VIT: variants seen among roughly 807,000 people sequenced by gnomAD.
The protein encoded by VIT is vitrin.
Under a neutral mutation model 78.0 loss-of-function variants are expected in VIT, and 99 were observed. The ratio of observed to expected loss-of-function variants is 1.27; its 90% CI spans 1.08 to 1.50. The LOEUF (loss-of-function observed/expected upper bound fraction) is 1.50, where lower values mean the gene tolerates loss of function less well. Among genes scored for constraint, VIT ranks in the 40% most tolerant of loss-of-function variants. The probability of loss-of-function intolerance (pLI) is 0.00; values close to 1 mark genes in which losing one functional copy is unlikely to be tolerated. For synonymous variants in VIT, 374 were observed against 334.3 expected (o/e 1.12, Z -1.29); for missense variants, 1,126 against 875.3 (o/e 1.29, Z -3.61).
At chr2:36,703,912 TTTTTTTGTTTGTTTTTTG>T (rs1450876767) in intron 1 of VIT, among the ~76,000 whole-genome samples, 1 of 31,850 alleles carries the variant, frequency 3.1e-5, no homozygotes, top group Non-Finnish European at 8.4e-5. Context: ...GTTTGGGGTT[TTTTTTTGTTTGTTTTTTG>T]TTTTTGTTTT....
chr2:36,704,407 C>T (rs1341615621), intron 1 of VIT, among the ~76,000 whole-genome samples: 2 of 152,178 alleles, frequency 1.3e-5, no homozygotes, highest in Non-Finnish European at 2.9e-5. Flanking sequence ...CTCTACACTT[C>T]TAAAACTTCC....
At chr2:36,756,207 C>G (rs775523615) in intron 5 of VIT, among the ~76,000 whole-genome samples, 3 of 152,086 alleles carry the variant, frequency 2.0e-5, no homozygotes, top group South Asian at 2.1e-4. Flanking sequence ...ATCCGCCCAC[C>G]TCGGCCTCCC....
At chr2:36,769,255 A>G (rs4670605) in intron 7 of VIT, among the ~76,000 whole-genome samples, 128,853 of 152,200 alleles carry the variant, frequency 0.85, 58,221 homozygotes, top group Non-Finnish European at 0.99. Context: ...AAATTCTTAC[A>G]TAACACATAT....
rs13402018 is a variant in VIT at position 36,702,708 on chromosome 2, G to A, written c.-19+5735G>A. On this transcript the variant is annotated intron_variant, in intron 1 of 15. Transcript: ENST00000379242. Reference sequence around the variant, plus strand: ...AGGCAGGGACAGGCCTCACTAGTTGGTACTGTTGTGAGCCAGCATCCAGGT... The same window carrying A: ...AGGCAGGGACAGGCCTCACTAGTTGATACTGTTGTGAGCCAGCATCCAGGT... 7.8e-3 allele frequency among the ~76,000 whole-genome samples: 1,184 copies of A among 152,224 alleles called. 5 individuals carry two copies. Among genetic ancestry groups the A allele is most frequent in the Non-Finnish European group, 0.013 (858 of 68,020 alleles).
At chr2:36,749,327 C>T (rs1668321441) in intron 4 of VIT, among the ~76,000 whole-genome samples, 1 of 152,038 alleles carries the variant, frequency 6.6e-6, no homozygotes, top group Non-Finnish European at 1.5e-5. Flanking sequence ...ACTTGGTCAG[C>T]TGTTGGTCTA....
chr2:36,788,176 G>A (rs114701434), intron 12 of VIT: 2,076 of 181,868 alleles, frequency 0.011, 52 homozygotes, highest in African/African-American at 0.046. Flanking sequence ...AAGGGGTGAC[G>A]GAAGTGGAAA....
intron 15 of VIT, 58 bp from the exon 16 acceptor site, chr2:36,814,125 A>T: frequency 6.3e-7 from 1 of 1,578,834 alleles, no homozygotes; most frequent in Non-Finnish European, 8.6e-7. Context: ...GAAGAGAGAG[A>T]TTCTTTAGCA....
At chr2:36,783,237 G>A (rs974327789) in intron 10 of VIT, 103 bp from the exon 11 acceptor site, 5 of 1,070,842 alleles carry the variant, frequency 4.7e-6, no homozygotes, top group Non-Finnish European at 6.9e-6. Context: ...TTTAAGCCAA[G>A]CCCCCAAGCT....
At chr2:36,764,706 A>C (rs1321282221) in intron 6 of VIT, among the ~76,000 whole-genome samples, 1 of 152,178 alleles carries the variant, frequency 6.6e-6, no homozygotes, top group Non-Finnish European at 1.5e-5. Context: ...CTGTTTGCTG[A>C]CCTGCTGTCT....
chr2:36,770,435 A>G (rs1669678346), intron 7 of VIT, among the ~76,000 whole-genome samples: 4 of 152,224 alleles, frequency 2.6e-5, no homozygotes, highest in African/African-American at 9.6e-5. Context: ...CAGCCCATGC[A>G]GAGGAGCTGA....
chr2:36,716,255 G>A, intron 1 of VIT, 98 bp from the exon 2 acceptor site: 1 of 912,904 alleles, frequency 1.1e-6, no homozygotes, highest in Non-Finnish European at 1.7e-6. Flanking sequence ...ACTCCAGAGG[G>A]CAATGCAAAA....
chr2:36,705,327 T>C (rs980795466), intron 1 of VIT, among the ~76,000 whole-genome samples: 2 of 152,148 alleles, frequency 1.3e-5, no homozygotes, highest in African/African-American at 4.8e-5. Flanking sequence ...GCCTGCAAAC[T>C]AGTATTTTTT....
chr2:36,716,330 C>T (rs1008662844), intron 1 of VIT, 23 bp from the exon 2 acceptor site: 45 of 1,599,450 alleles, frequency 2.8e-5, no homozygotes, highest in Non-Finnish European at 3.2e-5. Context: ...AATATGATGA[C>T]GTTATTGTTT....
intron 2 of VIT, among the ~76,000 whole-genome samples, chr2:36,724,693 T>G (rs1052431241): frequency 5.9e-5 from 9 of 152,220 alleles, no homozygotes; most frequent in African/African-American, 2.2e-4. Context: ...TAATTACTGC[T>G]GTTCAACTGA....
intron 3 of VIT, among the ~76,000 whole-genome samples, chr2:36,730,785 G>A (rs1230084023): frequency 6.6e-6 from 1 of 152,204 alleles, no homozygotes; most frequent in Non-Finnish European, 1.5e-5. Context: ...CAGCAGAGAG[G>A]GGACATGAGG....
Position 36,708,116 on chromosome 2 carries a change from C to CG in VIT, c.-18-8237_-18-8236insG, listed in dbSNP as rs143761133. 2.1e-3 allele frequency among the ~76,000 whole-genome samples: 318 copies of CG among 150,552 alleles called. 1 individual carries two copies. The highest frequency in any genetic ancestry group is 0.017 in the Middle Eastern group (5 of 292). On this transcript the variant is annotated intron_variant, in intron 1 of 15. Transcript: ENST00000379242. ...CACCACATTGTAAAGGACCTCCCCC[C>CG]CCCGCCCACCTAGTGCCAGCTTCCT...
chr2:36,759,327 T>C (rs1668968690), intron 6 of VIT: 1 of 1,432,470 alleles, frequency 7.0e-7, no homozygotes, highest in South Asian at 1.5e-5. Context: ...TTTAATGTAT[T>C]GTTGCTTTAG....
chr2:36,810,737 G>T (rs1013228908), intron 15 of VIT, among the ~76,000 whole-genome samples: 8 of 151,544 alleles, frequency 5.3e-5, no homozygotes, highest in African/African-American at 1.9e-4. Flanking sequence ...GGATTCAAGC[G>T]ATTCTTCTGG....
chr2:36,779,260 C>G (rs2148616108), intron 9 of VIT, among the ~76,000 whole-genome samples: 1 of 152,306 alleles, frequency 6.6e-6, no homozygotes, highest in African/African-American at 2.4e-5. Context: ...GCTTAAAGTT[C>G]TGTTCTGCCA....
Sources: gnomAD v4.1 joint callset for allele counts (sites outside exome capture counted in the v4.1 genomes callset) on GRCh38, gnomAD v4.1.1 for gene constraint, MANE v1.5 for transcripts, NCBI Gene and HGNC (gene_info 2026-07-23, HGNC 2026-07-21) for gene names.